The following DAB1 variants were observed in gnomAD, a reference collection of about 807,000 sequenced individuals.
The protein encoded by DAB1 is disabled homolog 1.
In DAB1, 15 loss-of-function variants were observed where a neutral mutation model predicts 64.6. The ratio of observed to expected loss-of-function variants is 0.23; its 90% CI spans 0.16 to 0.36. DAB1 has a LOEUF of 0.36. Ranked by LOEUF, DAB1 falls within the 10% of genes least tolerant of loss-of-function variation. The pLI, the probability that DAB1 is intolerant of heterozygous loss-of-function variation, is 1.00. For synonymous variants in DAB1, 235 were observed against 251.9 expected (o/e 0.93, Z 0.64); for missense variants, 596 against 706.7 (o/e 0.84, Z 1.78).
In DAB1 at chr1:57,176,786, G is replaced by A. The variant is rs376377113; in HGVS notation, c.68-31357C>T. Reference sequence around the variant, plus strand: ...ACCTGGAGAAGAGAGGAGACCTTCTGGGGGCAAACATCTCCAAGTAATAAG... The same window carrying A: ...ACCTGGAGAAGAGAGGAGACCTTCTAGGGGCAAACATCTCCAAGTAATAAG... On this transcript the variant is annotated intron_variant, in intron 2 of 14. Transcript: ENST00000371236. Among the ~76,000 whole-genome samples the A allele has an allele frequency of 1.6e-4, 25 of 151,870 alleles. 1 individual carries two copies. In the East Asian group the frequency reaches 2.6e-3, roughly 16 times the overall value.
Position 57,128,940 on chromosome 1 carries a change from C to A in DAB1, c.306+7603G>T, listed in dbSNP as rs377600519. ...ATATCATCTGGGGATCAGTTTCCAG[C>A]TCCACAATGTACTGGATATTTGTTC... On this transcript the variant is annotated intron_variant, in intron 4 of 14. Coordinates refer to ENST00000371236, the MANE Select transcript of DAB1 (RefSeq NM_001365792.1). Among the ~76,000 whole-genome samples the A allele has an allele frequency of 4.6e-5, 7 of 152,156 alleles. No homozygotes were observed. The East Asian group carries it at 7.7e-4, about 17-fold the overall frequency.
intron 6 of DAB1, among the ~76,000 whole-genome samples, chr1:57,697,489 C>T (rs1008471543): frequency 3.4e-5 from 5 of 148,034 alleles, no homozygotes; most frequent in Non-Finnish European, 5.9e-5. Context: ...AAAGCTTTAG[C>T]GCAATCAATT....
chr1:58,518,282 A>AG (rs1376631597), intron 2 of DAB1, among the ~76,000 whole-genome samples: 76 of 6,536 alleles, frequency 0.012, 6 homozygotes, highest in South Asian at 0.026. Context: ...GGAGAGGAGA[A>AG]GAGAAGAGAA....
chr1:57,398,331 C>T lies in DAB1; in HGVS notation c.-137+25599G>A, dbSNP rs1331435151. ...ACAGAGGGAGAGCCATTCATTCAGACTGAGAGGATCTAGGGATGCCTGAGG... is the reference window on the plus strand; with the variant it reads ...ACAGAGGGAGAGCCATTCATTCAGATTGAGAGGATCTAGGGATGCCTGAGG... On this transcript the variant is annotated intron_variant, in intron 1 of 14. Transcript: ENST00000371236. Among the ~76,000 whole-genome samples, 3 of 152,024 alleles carry T rather than the reference C, an allele frequency of 2.0e-5. No homozygotes were observed. In the East Asian group the frequency reaches 5.8e-4, roughly 29 times the overall value.
intron 7 of DAB1, among the ~76,000 whole-genome samples, chr1:57,477,794 T>A (rs908348733): frequency 1.3e-5 from 2 of 152,174 alleles, no homozygotes; most frequent in Non-Finnish European, 2.9e-5. Flanking sequence ...GTCAAGGAGT[T>A]TGCTTTGATG....
At chr1:57,896,944 TATTATAGCATTCAGGCA>T (rs1644400482) in intron 5 of DAB1, among the ~76,000 whole-genome samples, 2 of 152,190 alleles carry the variant, frequency 1.3e-5, no homozygotes, top group Non-Finnish European at 2.9e-5. Flanking sequence ...ACACTCTCAT[TATTATAGCATTCAGGCA>T]ATTCAAAGAT....
intron 4 of DAB1, among the ~76,000 whole-genome samples, chr1:57,087,167 A>G (rs1039108876): frequency 2.0e-5 from 3 of 152,346 alleles, no homozygotes; most frequent in East Asian, 1.9e-4. Context: ...GTTGCATGCC[A>G]GAAAGGCACA....
intron 7 of DAB1, among the ~76,000 whole-genome samples, chr1:57,467,991 G>A (rs1253963127): frequency 6.6e-6 from 1 of 152,188 alleles, no homozygotes; most frequent in Non-Finnish European, 1.5e-5. Flanking sequence ...GCTTGGAATA[G>A]ACACTATTCC....
intron 5 of DAB1, among the ~76,000 whole-genome samples, chr1:57,934,704 G>A (rs145021489): frequency 9.2e-5 from 14 of 152,266 alleles, no homozygotes; most frequent in Admixed American, 3.3e-4. Flanking sequence ...CTGAATCTAC[G>A]TCATTCTAAC....
intron 6 of DAB1, among the ~76,000 whole-genome samples, chr1:57,732,276 G>C (rs1013582766): frequency 7.2e-5 from 11 of 152,176 alleles, no homozygotes; most frequent in Admixed American, 4.6e-4. Context: ...TAGGGTGGGG[G>C]CAAGTGTGGT....
intron 6 of DAB1, among the ~76,000 whole-genome samples, chr1:57,666,686 T>C (rs866005397): frequency 6.6e-6 from 1 of 152,176 alleles, no homozygotes; most frequent in African/African-American, 2.4e-5. Context: ...AACACATTCA[T>C]AGTCCAACCA....
At chr1:57,369,013 G>A (rs1680284649) in intron 1 of DAB1, among the ~76,000 whole-genome samples, 1 of 152,198 alleles carries the variant, frequency 6.6e-6, no homozygotes, top group Admixed American at 6.5e-5. Context: ...AGGTAAGCAT[G>A]ACATTTGCTC....
chr1:57,407,298 AAG>A (rs967148219), intron 1 of DAB1, among the ~76,000 whole-genome samples: 2 of 152,196 alleles, frequency 1.3e-5, no homozygotes, highest in African/African-American at 4.8e-5. Context: ...TGAAGGGAGA[AAG>A]AGAGAGTTAG....
At chr1:57,799,584 C>CG (rs1327381907) in intron 6 of DAB1, among the ~76,000 whole-genome samples, 1 of 111,942 alleles carries the variant, frequency 8.9e-6, no homozygotes, top group African/African-American at 3.1e-5. Flanking sequence ...AAAAAAAGAT[C>CG]TGGGGGGGGC....
At chr1:57,597,013 T>A (rs1180424491) in intron 7 of DAB1, among the ~76,000 whole-genome samples, 1 of 152,196 alleles carries the variant, frequency 6.6e-6, no homozygotes, top group Non-Finnish European at 1.5e-5. Flanking sequence ...ACTTCCTGCA[T>A]AAATTAGCCC....
At chr1:58,513,765 A>AT (rs1392917534) in intron 2 of DAB1, among the ~76,000 whole-genome samples, 1 of 152,228 alleles carries the variant, frequency 6.6e-6, no homozygotes, top group Non-Finnish European at 1.5e-5. Flanking sequence ...AACACATTAT[A>AT]TTAACTCATT....
chr1:58,053,420 C>T (rs986321407), intron 5 of DAB1, among the ~76,000 whole-genome samples: 1 of 152,134 alleles, frequency 6.6e-6, no homozygotes, highest in Non-Finnish European at 1.5e-5. Flanking sequence ...AAAGAGGAAG[C>T]AAGGGGCTGG....
chr1:57,533,862 T>C (rs1341314), intron 7 of DAB1, among the ~76,000 whole-genome samples: 3,068 of 152,142 alleles, frequency 0.02, 120 homozygotes, highest in African/African-American at 0.07. Context: ...ATGATTCTAA[T>C]CTCATGACCC....
chr1:57,587,867 C>T (rs1354576170), intron 7 of DAB1, among the ~76,000 whole-genome samples: 1 of 152,182 alleles, frequency 6.6e-6, no homozygotes, highest in African/African-American at 2.4e-5. Flanking sequence ...TGTGAGCAGC[C>T]TAGCCCTGTA....
Sources: gnomAD v4.1 joint callset for allele counts (sites outside exome capture counted in the v4.1 genomes callset) on GRCh38, gnomAD v4.1.1 for gene constraint, MANE v1.5 for transcripts, NCBI Gene and HGNC (gene_info 2026-07-23, HGNC 2026-07-21) for gene names.